Variants in ADAP2 observed in about 807,000 individuals in gnomAD.
The protein encoded by ADAP2 is ArfGAP with dual PH domains 2.
Under a neutral mutation model 54.9 loss-of-function variants are expected in ADAP2, and 42 were observed. That is an observed-to-expected ratio of 0.77 (90% CI 0.60 to 0.99). The LOEUF (loss-of-function observed/expected upper bound fraction) is 0.99, where lower values mean the gene tolerates loss of function less well. ADAP2 is among the 50% of genes least tolerant of loss of function. ADAP2 has a pLI of 0.00. For synonymous variants in ADAP2, 177 were observed against 180.1 expected, an observed-to-expected ratio of 0.98 and a Z score of 0.14; for missense variants, 429 against 480.4, an observed-to-expected ratio of 0.89 and a Z score of 1.00.
chr17:30,953,630 A>G (rs1598057348), intron 8 of ADAP2, among the ~76,000 whole-genome samples: 1 of 152,094 alleles, frequency 6.6e-6, no homozygotes, highest in Non-Finnish European at 1.5e-5. Flanking sequence ...TCCGCCTCCC[A>G]GATTCAAGCG....
intron 3 of ADAP2, among the ~76,000 whole-genome samples, chr17:30,928,998 TAC>T (rs1911287400): frequency 6.6e-6 from 1 of 152,230 alleles, no homozygotes; most frequent in Non-Finnish European, 1.5e-5. Flanking sequence ...TTTTGGGCAG[TAC>T]ACAGACTATA....
At chr17:30,929,785 C>T (rs1170544557) in intron 3 of ADAP2, among the ~76,000 whole-genome samples, 1 of 152,216 alleles carries the variant, frequency 6.6e-6, no homozygotes, top group African/African-American at 2.4e-5. Context: ...CAGCCCCAAC[C>T]TCCTCGGCTC....
intron 4 of ADAP2, among the ~76,000 whole-genome samples, chr17:30,933,778 G>A (rs891809832): frequency 1.3e-5 from 2 of 152,196 alleles, no homozygotes; most frequent in South Asian, 2.1e-4. Flanking sequence ...GATTACAGGC[G>A]TGAGCCACTG....
Sources: allele counts gnomAD v4.1 joint callset (sites outside exome capture counted in the v4.1 genomes callset), GRCh38; gene constraint gnomAD v4.1.1; transcripts MANE v1.5; gene names NCBI Gene and HGNC (gene_info 2026-07-23, HGNC 2026-07-21).